ASCC3: variants seen among roughly 807,000 people sequenced by gnomAD.
The protein encoded by ASCC3 is ASC-1 complex subunit P200.
A neutral mutation model predicts 256.3 loss-of-function variants in ASCC3; 158 were observed. The ratio of observed to expected loss-of-function variants is 0.62; its 90% CI spans 0.54 to 0.70. ASCC3 has a LOEUF of 0.70. Ranked by LOEUF, ASCC3 falls within the 30% of genes least tolerant of loss-of-function variation. The pLI, the probability that ASCC3 is intolerant of heterozygous loss-of-function variation, is 0.00. For missense variants in ASCC3, 2,259 were observed against 2,626.0 expected, an observed-to-expected ratio of 0.86 and a Z score of 3.05; for synonymous variants, 948 against 883.4, an observed-to-expected ratio of 1.07 and a Z score of -1.30.
chr6:100,552,169 G>T (rs1352256014), intron 36 of ASCC3, among the ~76,000 whole-genome samples: 1 of 151,446 alleles, frequency 6.6e-6, no homozygotes, highest in African/African-American at 2.4e-5. Flanking sequence ...TAATAATAAT[G>T]ATAATAATCA....
chr6:100,787,990 A>C (rs1769173539), intron 8 of ASCC3, among the ~76,000 whole-genome samples: 1 of 151,910 alleles, frequency 6.6e-6, no homozygotes, highest in Non-Finnish European at 1.5e-5. Flanking sequence ...AATGAACTTC[A>C]AGGGTACTAA....
chr6:100,509,742 G>A (rs1222102409), intron 41 of ASCC3, among the ~76,000 whole-genome samples, 190 bp downstream of exon 41: 2 of 152,076 alleles, frequency 1.3e-5, no homozygotes, highest in East Asian at 3.9e-4. Context: ...CAAAAAATTA[G>A]CCGGGCGCAG....
At chr6:100,555,824 T>C (rs1253439265) in intron 36 of ASCC3, among the ~76,000 whole-genome samples, 1 of 152,174 alleles carries the variant, frequency 6.6e-6, no homozygotes, top group Non-Finnish European at 1.5e-5. Flanking sequence ...CTCTGTAATC[T>C]ATCTTAAAAA....
At chr6:100,582,929 G>C (rs1313203232) in intron 36 of ASCC3, among the ~76,000 whole-genome samples, 1 of 152,184 alleles carries the variant, frequency 6.6e-6, no homozygotes, top group Admixed American at 6.5e-5. Context: ...GCATCCCAGA[G>C]ATGAAGCCCA....
rs549886027 is a variant in ASCC3, at chr6:100,554,045, C to T, written c.5551-13658G>A. 7.9e-5 allele frequency among the ~76,000 whole-genome samples: 12 copies of T among 152,232 alleles called. No homozygotes were observed. The South Asian group carries it at 2.5e-3, about 32-fold the overall frequency. ...GATATGCCTTTCAGCAATTAGCTGG[C>T]ACTTGGGTTTAGTTAAAGCTCTGGT... On this transcript the variant is annotated intron_variant, in intron 36 of 41. Coordinates refer to ENST00000369162, the MANE Select transcript of ASCC3 (RefSeq NM_006828.4).
intron 30 of ASCC3, among the ~76,000 whole-genome samples, chr6:100,615,396 C>A (rs1773618292): frequency 6.6e-6 from 1 of 151,372 alleles, no homozygotes; most frequent in Non-Finnish European, 1.5e-5. Context: ...TACTGTATGG[C>A]AGATTAAAAT....
At chr6:100,805,196 T>G (rs1417575602) in intron 5 of ASCC3, among the ~76,000 whole-genome samples, 3 of 152,148 alleles carry the variant, frequency 2.0e-5, no homozygotes, top group Non-Finnish European at 4.4e-5. Flanking sequence ...TAATCATGAC[T>G]ATATGATGTC....
intron 4 of ASCC3, among the ~76,000 whole-genome samples, chr6:100,834,515 T>C (rs989767890): frequency 6.6e-6 from 1 of 151,910 alleles, no homozygotes; most frequent in Non-Finnish European, 1.5e-5. Context: ...TCCCAAAACA[T>C]ATGTGGGAAA....
intron 25 of ASCC3, among the ~76,000 whole-genome samples, chr6:100,633,869 C>A (rs1774690354): frequency 7.4e-6 from 1 of 134,502 alleles, no homozygotes; most frequent in Non-Finnish European, 1.6e-5. Context: ...GAGAGCAAAA[C>A]TCCGTCTCAA....
chr6:100,708,810 C>A (rs562724238), intron 13 of ASCC3, among the ~76,000 whole-genome samples: 3 of 152,040 alleles, frequency 2.0e-5, no homozygotes, highest in South Asian at 2.1e-4. Flanking sequence ...GGCTAAAAGA[C>A]CACAGTGTCA....
At position 100,718,161 on chromosome 6, in the gene ASCC3, G is replaced by A; in HGVS notation, c.1993C>T (p.Pro665Ser). 1 of 1,613,638 alleles carries A rather than the reference G, an allele frequency of 6.2e-7. No individual in the cohort carries two copies. The highest frequency in any genetic ancestry group is 1.1e-5 in the South Asian group (1 of 91,072). The change falls in exon 12 of 42, where the codon CCA becomes TCA. Residue 665 changes from proline to serine, a missense_variant. Pro to Ser is a moderately conservative substitution (Grantham distance 74). Around this residue, in one of 2 missense-constraint regions of ASCC3, gnomAD observed 1,839 missense variants for 2,206.7 expected, o/e 0.83. Transcript: ENST00000369162. ...TCAAAGAAGAAAAGTCCAATGTATG[G>A]ATTAACATGTAAAAATGTGGCAACA... is the stretch of plus-strand genomic sequence containing the variant. ...LDVATFLHVN[P>S]YIGLFFFDGR...
At chr6:100,557,448 T>A (rs1380998572) in intron 36 of ASCC3, among the ~76,000 whole-genome samples, 1 of 152,166 alleles carries the variant, frequency 6.6e-6, no homozygotes, top group African/African-American at 2.4e-5. Flanking sequence ...GATATGTTTA[T>A]AATTTGTATA....
intron 39 of ASCC3, among the ~76,000 whole-genome samples, chr6:100,515,527 A>T (rs1489550294): frequency 6.6e-6 from 1 of 152,188 alleles, no homozygotes; most frequent in Non-Finnish European, 1.5e-5. Context: ...AGATAGCCAA[A>T]TATTTCTGGC....
At chr6:100,678,011 A>G (rs1462562330) in intron 14 of ASCC3, among the ~76,000 whole-genome samples, 1 of 152,130 alleles carries the variant, frequency 6.6e-6, no homozygotes, top group African/African-American at 2.4e-5. Flanking sequence ...ATTTCATACT[A>G]TATTTGATTT....
chr6:100,791,017 T>C (rs918131362), intron 8 of ASCC3, among the ~76,000 whole-genome samples: 5 of 151,890 alleles, frequency 3.3e-5, no homozygotes, highest in African/African-American at 1.2e-4. Flanking sequence ...GTTTCATAGT[T>C]TTGAATGATA....
intron 8 of ASCC3, among the ~76,000 whole-genome samples, chr6:100,789,602 A>G (rs1769256962): frequency 6.6e-6 from 1 of 151,972 alleles, no homozygotes; most frequent in Non-Finnish European, 1.5e-5. Flanking sequence ...ATTTAATACA[A>G]TCTACTCTGG....
In ASCC3 at chr6:100,748,206, T is replaced by C. The variant is rs1054426203; in HGVS notation, c.1737+18359A>G. 2.0e-5 allele frequency among the ~76,000 whole-genome samples: 3 copies of C among 151,982 alleles called. No individual in the cohort carries two copies. In the South Asian group the frequency reaches 6.2e-4, roughly 32 times the overall value. ...AAACAGGGAAGAAAATAATCTACTT[T>C]TTCTTTTGTCTTTGAATTGTAAGAG... is the stretch of plus-strand genomic sequence containing the variant. On this transcript the variant is annotated intron_variant, in intron 10 of 41. Transcript: ENST00000369162.
At chr6:100,820,917 G>A (rs988240388) in intron 4 of ASCC3, among the ~76,000 whole-genome samples, 1 of 152,188 alleles carries the variant, frequency 6.6e-6, no homozygotes, top group African/African-American at 2.4e-5. Context: ...AAATCACAAT[G>A]AGATACTACT....
At chr6:100,638,542 G>T in intron 25 of ASCC3, 59 bp downstream of exon 25, 1 of 1,393,328 alleles carries the variant, frequency 7.2e-7, no homozygotes, top group Non-Finnish European at 1.0e-6. Flanking sequence ...GAACTGTCTA[G>T]TTTAGAGATT....
Sources: allele counts gnomAD v4.1 joint callset (sites outside exome capture counted in the v4.1 genomes callset), GRCh38; gene constraint gnomAD v4.1.1; regional missense constraint gnomAD v4.1.1; transcripts MANE v1.5; gene names NCBI Gene and HGNC (gene_info 2026-07-23, HGNC 2026-07-21).